The following APAF1 variants were observed in gnomAD, a reference collection of about 807,000 sequenced individuals.
APAF1 encodes apoptotic peptidase activating factor 1, also known as apoptotic protease-activating factor 1.
APAF1 carries 91 observed loss-of-function variants against 152.4 expected under a neutral mutation model. The observed-to-expected ratio is 0.60, with a 90% CI of 0.50 to 0.71. The LOEUF (loss-of-function observed/expected upper bound fraction) is 0.71, where lower values mean the gene tolerates loss of function less well. Ranked by LOEUF, APAF1 falls within the 30% of genes least tolerant of loss-of-function variation. APAF1 has a pLI of 0.00. For synonymous variants in APAF1, 484 were observed against 494.1 expected, an observed-to-expected ratio of 0.98 and a Z score of 0.27; for missense variants, 1,283 against 1,472.0, an observed-to-expected ratio of 0.87 and a Z score of 2.10.
At chr12:98,677,245 T>G (rs3815997) in intron 12 of APAF1, among the ~76,000 whole-genome samples, 180 bp from the exon 13 acceptor site, 2 of 152,112 alleles carry the variant, frequency 1.3e-5, no homozygotes, top group Non-Finnish European at 2.9e-5. Flanking sequence ...ATGCTACTTT[T>G]GTTATTTTTT....
chr12:98,712,336 A>G lies in APAF1; in HGVS notation c.2859A>G (p.Thr953=), dbSNP rs1375572032. The G allele has an allele frequency of 3.1e-6, 5 of 1,607,510 alleles. No homozygotes were observed. In the Admixed American group the frequency reaches 5.0e-5, roughly 16 times the overall value. The change falls in exon 21 of 27, where the codon ACA becomes ACG. Residue 953 remains threonine, a synonymous_variant. Coordinates refer to ENST00000551964, the MANE Select transcript of APAF1 (RefSeq NM_181861.2). ...TTCATTAGCTCATTAATGGAAGAAC[A>G]GGTCAGATTGATTATCTGACTGAAG... The part of the protein sequence containing the change: ...IRRLQLINGR[T]GQIDYLTEAQ...
Position 98,659,215 on chromosome 12 carries a change from G to A in APAF1, c.582G>A (p.Gly194=), listed in dbSNP as rs747251439. 10 of 1,614,210 alleles carry A rather than the reference G, an allele frequency of 6.2e-6. No homozygotes were observed. The Admixed American group carries it at 1.7e-4, about 27-fold the overall frequency. ...CAGTTGGGAAACAAGACAAATCTGGGCTTCTGATGAAACTGCAGAATCTTT... is the reference window on the plus strand; with the variant it reads ...CAGTTGGGAAACAAGACAAATCTGGACTTCTGATGAAACTGCAGAATCTTT... ...WVSVGKQDKS[G]LLMKLQNLCT... is the part of the protein sequence containing the mutation. The change falls in exon 5 of 27, where the codon GGG becomes GGA. Residue 194 remains glycine (G), a synonymous_variant. Transcript: ENST00000551964.
intron 10 of APAF1, among the ~76,000 whole-genome samples, chr12:98,668,031 G>A (rs564951561): frequency 3.9e-5 from 6 of 151,916 alleles, no homozygotes; most frequent in African/African-American, 1.5e-4. Context: ...TGATCCACTC[G>A]CTTCAGCCTC....
chr12:98,662,764 G>A lies in APAF1; in HGVS notation c.913G>A (p.Asp305Asn), dbSNP rs2097667181. The change falls in exon 7 of 27, where the codon GAT becomes AAT. Residue 305 changes from aspartate to asparagine, a missense_variant. Physicochemically the swap from Asp to Asn is conservative, Grantham distance 23. Coordinates refer to ENST00000551964, the MANE Select transcript of APAF1 (RefSeq NM_181861.2). ...LSLFVNMKKADLPEQAHSIIK... is the reference protein window; with the variant it reads ...LSLFVNMKKANLPEQAHSIIK... ...CCTTTTTGTTAATATGAAGAAGGCA[G>A]ATTTGCCAGAACAAGCTCATAGTAT... The A allele has an allele frequency of 6.2e-7, 1 of 1,611,722 alleles. No individual in the cohort carries two copies.
At chr12:98,672,688 A>G (rs2097681758) in intron 12 of APAF1, among the ~76,000 whole-genome samples, 1 of 152,178 alleles carries the variant, frequency 6.6e-6, no homozygotes, top group African/African-American at 2.4e-5. Flanking sequence ...TTATAATGCT[A>G]CATAATCAAG....
Position 98,715,501 on chromosome 12 carries a change from C to T in APAF1, c.3033C>T (p.Phe1011=). 6.2e-7 allele frequency: 1 copy of T among 1,613,474 alleles called. No homozygotes were observed. Among genetic ancestry groups the T allele is most frequent in the Non-Finnish European group, 8.5e-7 (1 of 1,179,668 alleles). Reference sequence around the variant, plus strand: ...AGAAAACTGTATGGCACATCCAGTTCACAGCCGATGAGAAGACTCTTATTT... The same window carrying T: ...AGAAAACTGTATGGCACATCCAGTTTACAGCCGATGAGAAGACTCTTATTT... ...QHKKTVWHIQ[F]TADEKTLISS... is the part of the protein sequence containing the mutation. The change falls in exon 22 of 27, where the codon TTC becomes TTT. Residue 1011 remains phenylalanine (F), a synonymous_variant. Transcript: ENST00000551964.
chr12:98,662,146 G>A (rs1026783361), intron 5 of APAF1, among the ~76,000 whole-genome samples: 10 of 137,510 alleles, frequency 7.3e-5, no homozygotes, highest in African/African-American at 1.1e-4. Context: ...AGTAATGGTC[G>A]CTTTTTTTTT....
intron 11 of APAF1, 102 bp from the exon 12 acceptor site, chr12:98,671,433 G>C: frequency 8.7e-7 from 1 of 1,146,498 alleles, no homozygotes; most frequent in Non-Finnish European, 1.3e-6. Flanking sequence ...TTCATATAAA[G>C]AATATTTCAT....
chr12:98,665,383 A>G (rs1344873933), intron 7 of APAF1, among the ~76,000 whole-genome samples, 170 bp from the exon 8 acceptor site: 1 of 148,890 alleles, frequency 6.7e-6, no homozygotes, highest in Admixed American at 6.8e-5. Flanking sequence ...TCTTATTTCT[A>G]ATTTTTTTTG....
chr12:98,695,194 A>G (rs1000655392), intron 16 of APAF1, among the ~76,000 whole-genome samples: 3 of 151,968 alleles, frequency 2.0e-5, no homozygotes, highest in African/African-American at 7.3e-5. Flanking sequence ...CTGGGATTAC[A>G]GGCACGCACC....
chr12:98,676,993 C>T (rs2097687297), intron 12 of APAF1, among the ~76,000 whole-genome samples: 1 of 152,088 alleles, frequency 6.6e-6, no homozygotes, highest in Admixed American at 6.5e-5. Flanking sequence ...GTGTTTCCTT[C>T]AGTTAGGAAA....
At chr12:98,725,042 C>G (rs1239423232) in intron 24 of APAF1, among the ~76,000 whole-genome samples, 1 of 152,182 alleles carries the variant, frequency 6.6e-6, no homozygotes, top group Non-Finnish European at 1.5e-5. Flanking sequence ...TTTACAGATG[C>G]CGTGTCTGAA....
In APAF1 at chr12:98,648,769, C is replaced by G. The variant is rs775021247; in HGVS notation, c.282C>G (p.Val94=). 6 of 1,614,018 alleles carry G rather than the reference C, an allele frequency of 3.7e-6. No individual in the cohort carries two copies. Among genetic ancestry groups the G allele is most frequent in the Non-Finnish European group, 5.1e-6 (6 of 1,179,972 alleles). The change falls in exon 3 of 27, where the codon GTC becomes GTG. Residue 94 remains valine (V), a synonymous_variant. Transcript: ENST00000551964. ...TTCTCCATGATGGCATTCCTGTTGTCTCTTCTTCCAGTGGTAAAGATTCAG... is the reference window on the plus strand; with the variant it reads ...TTCTCCATGATGGCATTCCTGTTGTGTCTTCTTCCAGTGGTAAAGATTCAG... ...AALLHDGIPV[V]SSSSGKDSVS... is the part of the protein sequence containing the mutation.
At chr12:98,677,325 A>G in intron 12 of APAF1, 100 bp from the exon 13 acceptor site, 2 of 1,248,168 alleles carry the variant, frequency 1.6e-6, no homozygotes, top group Non-Finnish European at 1.1e-6. Context: ...ATTTTGGGGA[A>G]CATAACCATG....
chr12:98,719,138 G>A (rs1454252729), intron 22 of APAF1, among the ~76,000 whole-genome samples: 1 of 152,160 alleles, frequency 6.6e-6, no homozygotes, highest in African/African-American at 2.4e-5. Context: ...CTTCCAGACT[G>A]TACCTCACAC....
At chr12:98,693,083 CA>C (rs1304378861) in intron 16 of APAF1, among the ~76,000 whole-genome samples, 5 of 151,584 alleles carry the variant, frequency 3.3e-5, no homozygotes, top group African/African-American at 9.7e-5. Context: ...AAAAACAACA[CA>C]TATATAAAAA....
At position 98,703,406 on chromosome 12, in the gene APAF1, A is replaced by C; in HGVS notation, c.2502A>C (p.Glu834Asp). 1 of 1,614,138 alleles carries C rather than the reference A, an allele frequency of 6.2e-7. No homozygotes were observed. Among genetic ancestry groups the C allele is most frequent in the Non-Finnish European group, 8.5e-7 (1 of 1,180,006 alleles). ...TTCATACTAGTGGCCTATTGGGAGA[A>C]ATCCACACGGGCCATCACAGCACCA... ...FDIHTSGLLG[E>D]IHTGHHSTIQ... The change falls in exon 18 of 27, where the codon GAA (glutamate) becomes GAC (aspartate). Residue 834 changes from glutamate (E) to aspartate (D), a missense_variant. Transcript: ENST00000551964.
chr12:98,693,645 A>G (rs2097706708), intron 16 of APAF1, among the ~76,000 whole-genome samples: 1 of 152,172 alleles, frequency 6.6e-6, no homozygotes, highest in South Asian at 2.1e-4. Flanking sequence ...TCTTGGAAAC[A>G]ACATTTTTGG....
In APAF1 at chr12:98,715,473, A is replaced by G. The variant is rs201122276; in HGVS notation, c.3005A>G (p.His1002Arg). 6.2e-7 allele frequency: 1 copy of G among 1,613,530 alleles called. No homozygotes were observed. The highest frequency in any genetic ancestry group is 1.7e-5 in the Admixed American group (1 of 59,990). The stretch of plus-strand genomic sequence containing the variant: ...AGAATCTTCCAGTCCAGGTTTCAGC[A>G]CAAGAAAACTGTATGGCACATCCAG... ...NNRIFQSRFQHKKTVWHIQFT... is the reference protein window; with the variant it reads ...NNRIFQSRFQRKKTVWHIQFT... The change falls in exon 22 of 27, where the codon CAC becomes CGC. Residue 1002 changes from histidine to arginine, a missense_variant. Physicochemically the swap from His to Arg is conservative, Grantham distance 29. Coordinates refer to ENST00000551964, the MANE Select transcript of APAF1 (RefSeq NM_181861.2).
Sources: gnomAD v4.1 joint callset for allele counts (sites outside exome capture counted in the v4.1 genomes callset) on GRCh38, gnomAD v4.1.1 for gene constraint, MANE v1.5 for transcripts, NCBI Gene and HGNC (gene_info 2026-07-23, HGNC 2026-07-21) for gene names.